DOCK2: variants seen among roughly 807,000 people sequenced by gnomAD.
DOCK2 encodes the protein dedicator of cytokinesis protein 2.
DOCK2 carries 87 observed loss-of-function variants against 248.9 expected under a neutral mutation model. That is an observed-to-expected ratio of 0.35 (90% CI 0.29 to 0.42). The LOEUF (loss-of-function observed/expected upper bound fraction) is 0.42, where lower values mean the gene tolerates loss of function less well. Among genes scored for constraint, DOCK2 ranks in the 10% least tolerant of loss-of-function variants. The pLI is 1.00. For synonymous variants in DOCK2, 805 were observed against 821.6 expected (o/e 0.98, Z 0.35); for missense variants, 1,747 against 2,300.2 (o/e 0.76, Z 4.92).
intron 36 of DOCK2, among the ~76,000 whole-genome samples, chr5:170,038,621 C>T (rs992042310): frequency 6.6e-6 from 1 of 152,160 alleles, no homozygotes; most frequent in African/African-American, 2.4e-5. Context: ...ACTGTCATCA[C>T]GACATCATCT....
At chr5:169,697,374 C>G (rs1191873988) in intron 10 of DOCK2, among the ~76,000 whole-genome samples, 1 of 152,188 alleles carries the variant, frequency 6.6e-6, no homozygotes, top group Admixed American at 6.6e-5. Context: ...AAGCTTGCAT[C>G]CTACCAACTT....
chr5:169,938,567 A>G (rs929632064), intron 27 of DOCK2, among the ~76,000 whole-genome samples: 5 of 152,222 alleles, frequency 3.3e-5, no homozygotes, highest in Non-Finnish European at 5.9e-5. Context: ...AAAATGGTCC[A>G]CCTGTACAGG....
chr5:169,772,994 G>A (rs1765177256), intron 25 of DOCK2: 1 of 152,162 alleles, frequency 6.6e-6, no homozygotes, highest in Non-Finnish European at 1.5e-5. Flanking sequence ...TCTCATCAGA[G>A]CATTTAGAGG....
At chr5:169,923,126 G>T (rs577863163) in intron 27 of DOCK2, among the ~76,000 whole-genome samples, 2 of 152,264 alleles carry the variant, frequency 1.3e-5, no homozygotes, top group African/African-American at 4.8e-5. Context: ...AGGCTCCAAG[G>T]CCTATGCTCC....
chr5:169,738,196 CGT>C (rs1763138952), intron 22 of DOCK2, among the ~76,000 whole-genome samples: 2 of 152,256 alleles, frequency 1.3e-5, no homozygotes, highest in East Asian at 1.9e-4. Context: ...GGGAAAGTAG[CGT>C]GTGTTTTTTC....
Position 170,057,729 on chromosome 5 carries a change from C to A in DOCK2, c.4467+63C>A, listed in dbSNP as rs1757183635. ...CCGATGGGCAGGGCACAGCCAGTCT[C>A]CAAAGGCCCCTTTGACTTTAAAAAG... On this transcript the variant is annotated intron_variant, in intron 44 of 51. Transcript: ENST00000520908. The A allele has an allele frequency of 2.8e-6, 4 of 1,409,708 alleles. No homozygotes were observed. The Admixed American group carries it at 7.0e-5, about 25-fold the overall frequency. 87.3% of individuals were successfully genotyped at this position (1,409,708 alleles called of 1,614,324 possible).
Position 169,763,217 on chromosome 5 carries a change from T to C in DOCK2, c.2554+1592T>C, listed in dbSNP as rs1764584663. On this transcript the variant is annotated intron_variant, in intron 25 of 51. Transcript: ENST00000520908. The surrounding 1 kb of genome is among the most constrained non-coding windows in gnomAD (Gnocchi z 4.1). ...GTGCCTTTTTAAAGTGAGACTTCCA[T>C]GGTTTTAAAGTTCTGATTTCCACCT... Among the ~76,000 whole-genome samples the C allele has an allele frequency of 6.6e-6, 1 of 152,336 alleles. No homozygotes were observed. The highest frequency in any genetic ancestry group is 2.1e-4 in the South Asian group (1 of 4,828).
chr5:170,016,284 T>G (rs1755536199), intron 32 of DOCK2, among the ~76,000 whole-genome samples: 1 of 152,248 alleles, frequency 6.6e-6, no homozygotes. Context: ...TTCCTTGGCT[T>G]TTCTCGAATA....
At chr5:169,830,720 T>C (rs1769169043) in intron 26 of DOCK2, among the ~76,000 whole-genome samples, 2 of 152,182 alleles carry the variant, frequency 1.3e-5, no homozygotes, top group African/African-American at 2.4e-5. Flanking sequence ...ATAAAAACAA[T>C]GTTTTGCTTA....
intron 27 of DOCK2, among the ~76,000 whole-genome samples, chr5:169,877,112 C>T (rs763017030): frequency 9.2e-5 from 14 of 152,164 alleles, no homozygotes; most frequent in Non-Finnish European, 2.1e-4. Flanking sequence ...GAAATATCCA[C>T]ACAAAGCAGG....
intron 32 of DOCK2, among the ~76,000 whole-genome samples, chr5:170,012,170 AT>A (rs1389118753): frequency 6.6e-6 from 1 of 152,186 alleles, no homozygotes; most frequent in African/African-American, 2.4e-5. Context: ...CTTACAAATA[AT>A]TTTTTTCAAA....
intron 29 of DOCK2, among the ~76,000 whole-genome samples, chr5:169,995,314 C>A (rs1212526121): frequency 6.6e-6 from 1 of 152,196 alleles, no homozygotes; most frequent in Admixed American, 6.5e-5. Context: ...CAGGCGCAAG[C>A]CACTGCACCC....
At chr5:169,654,345 A>T in intron 1 of DOCK2, 58 bp from the exon 2 acceptor site, 5 of 1,591,016 alleles carry the variant, frequency 3.1e-6, no homozygotes, top group Non-Finnish European at 4.3e-6. Context: ...AGCAGGAAGG[A>T]GCAGAGACTA....
chr5:169,990,739 A>G (rs527525588), intron 29 of DOCK2, among the ~76,000 whole-genome samples: 34 of 152,298 alleles, frequency 2.2e-4, no homozygotes, highest in African/African-American at 7.9e-4. Context: ...ACTACATCCC[A>G]TGAATGACAG....
intron 33 of DOCK2, among the ~76,000 whole-genome samples, chr5:170,022,511 C>T (rs772947064): frequency 2.0e-5 from 3 of 152,090 alleles, no homozygotes; most frequent in Admixed American, 6.6e-5. Flanking sequence ...CAGACCATCT[C>T]GGGGGTCTCT....
At chr5:170,081,800 C>A in intron 50 of DOCK2, 42 bp from the exon 51 acceptor site, 1 of 1,571,138 alleles carries the variant, frequency 6.4e-7, no homozygotes, top group Non-Finnish European at 8.6e-7. Context: ...ACTGCCCCTC[C>A]TCTACCCACC....
In DOCK2 at chr5:169,919,782, AT is replaced by A. The variant is rs373371799; in HGVS notation, c.2800-63284del. ...GGCAACTGGAAGCAGCTAAACCCTT[AT>A]TCTTCCCTGGAGTATTTGCATATTA... is the stretch of plus-strand genomic sequence containing the variant. On this transcript the variant is annotated intron_variant, in intron 27 of 51. Transcript: ENST00000520908. Among the ~76,000 whole-genome samples, 181 of 152,302 alleles carry A rather than the reference AT, an allele frequency of 1.2e-3. 3 individuals carry two copies. The South Asian group carries it at 0.031, about 26-fold the overall frequency.
intron 23 of DOCK2, among the ~76,000 whole-genome samples, chr5:169,757,400 A>G (rs1038112538): frequency 1.3e-5 from 2 of 152,194 alleles, no homozygotes; most frequent in Non-Finnish European, 2.9e-5. Flanking sequence ...TGCTTAAGCC[A>G]ATGCTTTCCA....
intron 24 of DOCK2, 80 bp downstream of exon 24, chr5:169,759,855 C>G: frequency 6.6e-7 from 1 of 1,510,636 alleles, no homozygotes. Context: ...TTATGGGGAG[C>G]TCCAGATGGG....
Sources: gnomAD v4.1 joint callset for allele counts (sites outside exome capture counted in the v4.1 genomes callset) on GRCh38, gnomAD v4.1.1 for gene constraint, Gnocchi (gnomAD v3.1) non-coding constraint, MANE v1.5 for transcripts, NCBI Gene and HGNC (gene_info 2026-07-23, HGNC 2026-07-21) for gene names.